EWSR1: variants seen among roughly 807,000 people sequenced by gnomAD.
The protein encoded by EWSR1 is EWS RNA binding protein 1.
A neutral mutation model predicts 92.1 loss-of-function variants in EWSR1; 14 were observed. The ratio of observed to expected loss-of-function variants is 0.15; its 90% CI spans 0.10 to 0.24. EWSR1 has a LOEUF of 0.24. Among genes scored for constraint, EWSR1 ranks in the 10% least tolerant of loss-of-function variants. The pLI is 1.00. For synonymous variants in EWSR1, 303 were observed against 292.9 expected, an observed-to-expected ratio of 1.03 and a Z score of -0.35; for missense variants, 637 against 870.9, an observed-to-expected ratio of 0.73 and a Z score of 3.38.
chr22:29,297,226 C>T (rs1191049285), intron 12 of EWSR1, among the ~76,000 whole-genome samples: 1 of 152,212 alleles, frequency 6.6e-6, no homozygotes, highest in Non-Finnish European at 1.5e-5. Context: ...TCTCAGCTTA[C>T]TGCAACCTCC....
intron 5 of EWSR1, 131 bp downstream of exon 5, chr22:29,278,347 T>G: frequency 1.2e-6 from 1 of 833,926 alleles, no homozygotes; most frequent in Non-Finnish European, 1.9e-6. Flanking sequence ...ATGTTCACTG[T>G]TAGTAACTGA....
At chr22:29,293,353 G>A (rs1010935339) in intron 11 of EWSR1, among the ~76,000 whole-genome samples, 3 of 152,058 alleles carry the variant, frequency 2.0e-5, no homozygotes, top group African/African-American at 7.2e-5. Context: ...AGCTAGTAAC[G>A]CAGATTTTTT....
chr22:29,297,929 T>TGCC lies in EWSR1; in HGVS notation c.1398_1400dup (p.Pro469dup), dbSNP rs766881855. The TGCC allele has an allele frequency of 1.2e-6, 2 of 1,613,926 alleles. No homozygotes were observed. Among genetic ancestry groups the TGCC allele is most frequent in the South Asian group, 2.2e-5 (2 of 91,070 alleles). ...CTGCCACCCCGTGAGGGCAGAGGCA[T>TGCC]GCCACCACCACTCCGTGGAGGTACT... On this transcript the variant is annotated inframe_insertion, in exon 13 of 17. Coordinates refer to ENST00000397938, the MANE Select transcript of EWSR1 (RefSeq NM_005243.4).
intron 15 of EWSR1, 87 bp downstream of exon 15, chr22:29,299,418 C>G (rs1045743435): frequency 2.4e-5 from 37 of 1,531,734 alleles, no homozygotes; most frequent in Non-Finnish European, 3.0e-5. Context: ...TGCAGTTGCC[C>G]TCTGCTTAAC....
intron 6 of EWSR1, among the ~76,000 whole-genome samples, chr22:29,285,122 G>GTT (rs35739164): frequency 0.068 from 7,540 of 111,508 alleles, 558 homozygotes; most frequent in African/African-American, 0.13. Flanking sequence ...TCTGGCCCTT[G>GTT]TTTTTTTTTT....
intron 5 of EWSR1, among the ~76,000 whole-genome samples, chr22:29,279,824 G>A (rs969357452): frequency 2.0e-5 from 3 of 152,146 alleles, no homozygotes; most frequent in Non-Finnish European, 2.9e-5. Context: ...CCTCATTTCC[G>A]AGTGTCATCA....
chr22:29,288,816 A>G, intron 8 of EWSR1, 30 bp downstream of exon 8: 1 of 1,531,106 alleles, frequency 6.5e-7, no homozygotes, highest in Non-Finnish European at 8.8e-7. Context: ...CCTTTTACCT[A>G]ATTTTGTTTC....
Position 29,298,905 on chromosome 22 carries a change from T to C in EWSR1, c.1580+10T>C. The C allele has an allele frequency of 2.0e-6, 3 of 1,533,210 alleles. No homozygotes were observed. The highest frequency in any genetic ancestry group is 2.6e-6 in the Non-Finnish European group (3 of 1,146,544). 95.0% of individuals were successfully genotyped at this position (1,533,210 alleles called of 1,614,324 possible). ...GGCAGTGTCCCAATCCGTATGTACT[T>C]GTCTTGGCAAATTGATACCCTACGA... On this transcript the variant is annotated intron_variant, in intron 14 of 16. Transcript: ENST00000397938.
intron 6 of EWSR1, among the ~76,000 whole-genome samples, chr22:29,286,011 G>C (rs746251563): frequency 6.6e-6 from 1 of 151,834 alleles, no homozygotes; most frequent in African/African-American, 2.4e-5. Flanking sequence ...CTAATTTTTT[G>C]TATTTTTTAG....
intron 11 of EWSR1, among the ~76,000 whole-genome samples, chr22:29,294,432 C>T (rs894722765): frequency 2.1e-4 from 31 of 149,100 alleles, no homozygotes; most frequent in Non-Finnish European, 4.0e-4. Flanking sequence ...CGATGAAACC[C>T]CGTCTCTACT....
At chr22:29,282,904 G>A (rs977964321) in intron 6 of EWSR1, among the ~76,000 whole-genome samples, 17 of 151,444 alleles carry the variant, frequency 1.1e-4, no homozygotes, top group African/African-American at 3.6e-4. Flanking sequence ...CTGGGACTAC[G>A]GGTGCCCGCC....
Position 29,298,888 on chromosome 22 carries a change from C to A in EWSR1, c.1573C>A (p.Pro525Thr). Residue 525 changes from proline (P) to threonine (T), a missense_variant, in exon 14 of 17, where the codon CCC becomes ACC. By Grantham distance (38) the Pro-to-Thr change is conservative. This residue lies in a region of EWSR1 where 363 missense variants were observed against 447.8 expected (regional missense o/e 0.81). Coordinates refer to ENST00000397938, the MANE Select transcript of EWSR1 (RefSeq NM_005243.4). ...GCACCGAGCTGGAGACTGGCAGTGT[C>A]CCAATCCGTATGTACTTGTCTTGGC... ...VQHRAGDWQCPNPGCGNQNFA... is the reference protein window; with the variant it reads ...VQHRAGDWQCTNPGCGNQNFA... The A allele has an allele frequency of 6.5e-7, 1 of 1,548,508 alleles. No individual in the cohort carries two copies. The highest frequency in any genetic ancestry group is 8.7e-7 in the Non-Finnish European group (1 of 1,154,962).
At chr22:29,269,501 C>T (rs2058473954) in intron 1 of EWSR1, 3 of 152,112 alleles carry the variant, frequency 2.0e-5, no homozygotes, top group Admixed American at 2.0e-4. Context: ...CATTTTTGCC[C>T]CGGGGGTATT....
At position 29,300,485 on chromosome 22, in the gene EWSR1, T is replaced by G. The variant is rs1255616406; in HGVS notation, c.*324T>G. 2.0e-5 allele frequency: 5 copies of G among 251,678 alleles called. No individual in the cohort carries two copies. Among genetic ancestry groups the G allele is most frequent in the South Asian group, 1.3e-4 (1 of 7,650 alleles). The allele number at this position is 251,678 out of a possible 1,614,324, so 15.6% of individuals were successfully genotyped here. ...AATGTTCATGGTTGTGATGTTTTTT[T>G]TTTTTTTTTAAATAAAATTCCAAAT... On this transcript the variant is annotated 3_prime_UTR_variant, in exon 17 of 17. Transcript: ENST00000397938.
At chr22:29,284,136 G>A (rs535230494) in intron 6 of EWSR1, among the ~76,000 whole-genome samples, 1 of 150,958 alleles carries the variant, frequency 6.6e-6, no homozygotes, top group Non-Finnish European at 1.5e-5. Context: ...GCCTGGCCCA[G>A]TTTTTGTATT....
intron 4 of EWSR1, chr22:29,274,485 T>A (rs539705085): frequency 9.2e-6 from 5 of 543,872 alleles, no homozygotes; most frequent in African/African-American, 7.5e-5. Flanking sequence ...AAGGTTTTTT[T>A]ATTTAATATT....
Position 29,276,312 on chromosome 22 carries a change from A to G in EWSR1, c.227-1718A>G. ...AGCAGTTCAGATGAACAACATGCCA[A>G]CTCAAAAACTTTTATTGCTTGGGGC... On this transcript the variant is annotated intron_variant, in intron 4 of 16. Transcript: ENST00000397938. 2.2e-5 allele frequency: 5 copies of G among 229,384 alleles called. No homozygotes were observed. In the East Asian group the frequency reaches 3.1e-4, roughly 14 times the overall value. The allele number at this position is 229,384 out of a possible 1,614,324, so 14.2% of individuals were successfully genotyped here. A position where few individuals can be genotyped will look rare whatever the true frequency, so the allele number is the denominator to read the frequency against.
rs771424179 is a variant in EWSR1 at position 29,271,450 on chromosome 22, G to GA, written c.14-762dup. Among the ~76,000 whole-genome samples, 165 of 152,292 alleles carry GA rather than the reference G, an allele frequency of 1.1e-3. 1 individual carries two copies. Among genetic ancestry groups the GA allele is most frequent in the Non-Finnish European group, 2.0e-3 (134 of 68,024 alleles). On this transcript the variant is annotated intron_variant, in intron 1 of 16. Transcript: ENST00000397938. ...AGGGAGGTTTACTTAGATAAGGGAT[G>GA]AAAATTCATGTCTTTTTTTTAAGTT... is the stretch of plus-strand genomic sequence containing the variant.
At chr22:29,288,849 AG>A in intron 8 of EWSR1, 63 bp downstream of exon 8, 1 of 1,397,698 alleles carries the variant, frequency 7.2e-7, no homozygotes, top group South Asian at 1.4e-5. Context: ...TTCAGTGGAA[AG>A]AAGGGACTGA....
Sources: allele counts gnomAD v4.1 joint callset (sites outside exome capture counted in the v4.1 genomes callset), GRCh38; gene constraint gnomAD v4.1.1; regional missense constraint gnomAD v4.1.1; transcripts MANE v1.5; gene names NCBI Gene and HGNC (gene_info 2026-07-23, HGNC 2026-07-21).